Variants in LGMN observed in about 807,000 individuals in gnomAD.
LGMN encodes asparaginyl endopeptidase.
In LGMN, 36 loss-of-function variants were observed where a neutral mutation model predicts 56.8. That is an observed-to-expected ratio of 0.63 (90% CI 0.49 to 0.84). LGMN has a LOEUF of 0.84. Among genes scored for constraint, LGMN ranks in the 40% least tolerant of loss-of-function variants. The pLI, the probability that LGMN is intolerant of heterozygous loss-of-function variation, is 0.00. For missense variants in LGMN, 446 were observed against 556.1 expected (o/e 0.80, Z 1.99); for synonymous variants, 199 against 210.1 (o/e 0.95, Z 0.46).
intron 3 of LGMN, among the ~76,000 whole-genome samples, chr14:92,718,458 C>T (rs1179525618): frequency 6.6e-6 from 1 of 152,142 alleles, no homozygotes; most frequent in African/African-American, 2.4e-5. Context: ...CCTGCAGTCC[C>T]AGCTTCTTGG....
chr14:92,709,842 G>A lies in LGMN; in HGVS notation c.850C>T (p.Gln284Ter). The part of the protein sequence containing the change: ...TISTMKVMQF[Q>*]GMKRKASSPV... ...GAACTGGCTTTGCGTTTCATACCCT[G>A]AAACTGCATCACTTTCATGGTGGAG... Residue 284 changes from glutamine (Q) to a stop codon, truncating the protein, a stop_gained, in exon 11 of 14, where the codon CAG becomes TAG. Transcript: ENST00000334869. LOFTEE classifies it high-confidence loss of function. 6.2e-7 allele frequency: 1 copy of A among 1,611,626 alleles called. No homozygotes were observed. The highest frequency in any genetic ancestry group is 8.5e-7 in the Non-Finnish European group (1 of 1,178,498).
intron 2 of LGMN, among the ~76,000 whole-genome samples, chr14:92,721,112 G>T (rs1229912985): frequency 6.6e-6 from 1 of 152,118 alleles, no homozygotes; most frequent in Non-Finnish European, 1.5e-5. Context: ...GGCTGGTCTC[G>T]AACTCCTGGG....
chr14:92,720,331 G>A (rs1890394128), intron 2 of LGMN, among the ~76,000 whole-genome samples: 1 of 152,202 alleles, frequency 6.6e-6, no homozygotes, highest in South Asian at 2.1e-4. Context: ...GCCTTTGGAG[G>A]TGAGGTGACC....
rs143663976 is a variant in LGMN, at chr14:92,718,448, C to T, written c.236+299G>A. ...AATTAGCTGGGCATGGCAGTGCACA[C>T]CTGCAGTCCCAGCTTCTTGGGAGGC... On this transcript the variant is annotated intron_variant, in intron 3 of 13. Coordinates refer to ENST00000334869, the MANE Select transcript of LGMN (RefSeq NM_005606.7). 6.4e-3 allele frequency among the ~76,000 whole-genome samples: 970 copies of T among 152,260 alleles called. 9 individuals are homozygous for T. The highest frequency in any genetic ancestry group is 0.023 in the African/African-American group (938 of 41,522).
At chr14:92,705,274 G>T (rs1889370097) in intron 12 of LGMN, among the ~76,000 whole-genome samples, 2 of 152,182 alleles carry the variant, frequency 1.3e-5, no homozygotes, top group African/African-American at 4.8e-5. Context: ...GGCCGAGGCA[G>T]GTGGGTCACC....
intron 1 of LGMN, among the ~76,000 whole-genome samples, chr14:92,743,621 C>T (rs146899329): frequency 4.0e-5 from 6 of 150,748 alleles, no homozygotes; most frequent in Non-Finnish European, 7.4e-5. Flanking sequence ...GGCCAACATG[C>T]GAAACCCCAT....
chr14:92,736,331 C>T (rs1400575474), intron 1 of LGMN, among the ~76,000 whole-genome samples: 1 of 152,168 alleles, frequency 6.6e-6, no homozygotes, highest in Non-Finnish European at 1.5e-5. Flanking sequence ...TGCGGTGGCT[C>T]ACACCTGTAA....
chr14:92,712,959 C>A, intron 7 of LGMN, 88 bp from the exon 8 acceptor site: 3 of 1,189,334 alleles, frequency 2.5e-6, no homozygotes, highest in South Asian at 1.4e-5. Flanking sequence ...TCTCTCTACC[C>A]ATTCCTAACA....
chr14:92,736,676 T>C (rs1891323295), intron 1 of LGMN, among the ~76,000 whole-genome samples: 2 of 152,158 alleles, frequency 1.3e-5, no homozygotes, highest in Admixed American at 1.3e-4. Flanking sequence ...ATCAGGACCT[T>C]TCCTGGGTCT....
intron 2 of LGMN, among the ~76,000 whole-genome samples, chr14:92,719,209 A>ACCGCCACCACCG (rs1890256855): frequency 4.2e-5 from 5 of 119,672 alleles, no homozygotes; most frequent in African/African-American, 1.5e-4. Context: ...CAACACCACC[A>ACCGCCACCACCG]CCGCCACCAA....
At chr14:92,746,859 A>C (rs1595571819) in intron 1 of LGMN, among the ~76,000 whole-genome samples, 1 of 151,556 alleles carries the variant, frequency 6.6e-6, no homozygotes, top group African/African-American at 2.4e-5. Flanking sequence ...ACACGGTGAA[A>C]CCCCGTCTCT....
At position 92,705,940 on chromosome 14, in the gene LGMN, T is replaced by C. The variant is rs182134898; in HGVS notation, c.1191+543A>G. 7.2e-4 allele frequency among the ~76,000 whole-genome samples: 109 copies of C among 152,266 alleles called. No homozygotes were observed. The Middle Eastern group carries it at 0.01, about 14-fold the overall frequency. ...ACCATGCCCGGCCCCAATAAAACTT[T>C]ATTTACAAAAACAGGTTATGGGGGA... On this transcript the variant is annotated intron_variant, in intron 12 of 13. Coordinates refer to ENST00000334869, the MANE Select transcript of LGMN (RefSeq NM_005606.7).
intron 2 of LGMN, among the ~76,000 whole-genome samples, chr14:92,725,435 C>T (rs185696978): frequency 3.7e-4 from 56 of 152,114 alleles, no homozygotes; most frequent in African/African-American, 1.2e-3. Context: ...TATGGTCCCA[C>T]GGTTCCAGCT....
intron 1 of LGMN, among the ~76,000 whole-genome samples, chr14:92,748,047 G>A (rs1891895197): frequency 6.6e-6 from 1 of 152,210 alleles, no homozygotes; most frequent in South Asian, 2.1e-4. Context: ...TATTTCTGTT[G>A]TCGTCGTTAA....
chr14:92,746,064 G>A (rs951026086), intron 1 of LGMN, among the ~76,000 whole-genome samples: 2 of 151,790 alleles, frequency 1.3e-5, no homozygotes, highest in Non-Finnish European at 2.9e-5. Context: ...GTCATGATCC[G>A]CCCGCCTCGG....
chr14:92,726,943 A>G (rs965037237), intron 2 of LGMN, among the ~76,000 whole-genome samples: 6 of 152,198 alleles, frequency 3.9e-5, no homozygotes, highest in African/African-American at 1.4e-4. Context: ...ACTCGGGACA[A>G]AGTCCACCCA....
At chr14:92,711,259 T>G (rs11627941) in intron 10 of LGMN, among the ~76,000 whole-genome samples, 48,739 of 152,036 alleles carry the variant, frequency 0.32, 9,232 homozygotes, top group Admixed American at 0.45. Context: ...AAATCCAAGG[T>G]GCAGAGTGGC....
rs913009781 is a variant in LGMN at position 92,714,735 on chromosome 14, G to A, written c.405-284C>T. On this transcript the variant is annotated intron_variant, in intron 5 of 13. Transcript: ENST00000334869. This position sits in a 1 kb window ranked among gnomAD's most constrained non-coding sequence, Gnocchi z 5.1. ...GGGCAACCCATCAGACAGACCTGGTGTGAGGTGGATAGTGGGGTCCTTTGG... is the reference window on the plus strand; with the variant it reads ...GGGCAACCCATCAGACAGACCTGGTATGAGGTGGATAGTGGGGTCCTTTGG... Among the ~76,000 whole-genome samples the A allele has an allele frequency of 7.9e-5, 12 of 152,156 alleles. No individual in the cohort carries two copies. Among genetic ancestry groups the A allele is most frequent in the African/African-American group, 2.4e-4 (10 of 41,446 alleles).
intron 1 of LGMN, among the ~76,000 whole-genome samples, chr14:92,738,168 A>G (rs1223404502): frequency 1.3e-5 from 2 of 152,218 alleles, no homozygotes; most frequent in African/African-American, 4.8e-5. Flanking sequence ...AACACACAGC[A>G]GGCACCAAAA....
Sources: allele counts gnomAD v4.1 joint callset (sites outside exome capture counted in the v4.1 genomes callset), GRCh38; gene constraint gnomAD v4.1.1; non-coding constraint Gnocchi (gnomAD v3.1); transcripts MANE v1.5; gene names NCBI Gene and HGNC (gene_info 2026-07-23, HGNC 2026-07-21).